The following ENPP1 variants were observed in gnomAD, a reference collection of about 807,000 sequenced individuals.
ENPP1 encodes the protein ectonucleotide pyrophosphatase/phosphodiesterase 1, also known as ectonucleotide pyrophosphatase/phosphodiesterase family member 1.
Under a neutral mutation model 122.8 loss-of-function variants are expected in ENPP1, and 73 were observed. That is an observed-to-expected ratio of 0.59 (90% confidence interval 0.49 to 0.72). The LOEUF (loss-of-function observed/expected upper bound fraction) is 0.72. Ranked by LOEUF, ENPP1 falls within the 30% of genes least tolerant of loss-of-function variation. The probability of loss-of-function intolerance (pLI) is 0.00; values close to 1 mark genes in which losing one functional copy is unlikely to be tolerated. For synonymous variants in ENPP1, 367 were observed against 391.6 expected, an observed-to-expected ratio of 0.94 and a Z score of 0.74; for missense variants, 978 against 1,128.1, an observed-to-expected ratio of 0.87 and a Z score of 1.91.
chr6:131,856,976 C>G (rs1285145370), intron 6 of ENPP1, among the ~76,000 whole-genome samples: 1 of 151,980 alleles, frequency 6.6e-6, no homozygotes. Context: ...GATGCGGGCT[C>G]TTTTTTGGTT....
intron 1 of ENPP1, among the ~76,000 whole-genome samples, chr6:131,847,491 C>CA (rs1781823939): frequency 6.6e-6 from 1 of 152,050 alleles, no homozygotes; most frequent in Non-Finnish European, 1.5e-5. Flanking sequence ...AGAACAGCAC[C>CA]AAAAAGTTTA....
At chr6:131,860,084 C>G (rs1198883197) in intron 7 of ENPP1, among the ~76,000 whole-genome samples, 1 of 152,158 alleles carries the variant, frequency 6.6e-6, no homozygotes, top group Non-Finnish European at 1.5e-5. Flanking sequence ...CTCAGCCTCC[C>G]AAAGTGCTGA....
chr6:131,827,598 A>G, intron 1 of ENPP1: 1 of 594,628 alleles, frequency 1.7e-6, no homozygotes. Flanking sequence ...TATGGAACAT[A>G]AGTTATGATG....
chr6:131,886,704 G>A lies in ENPP1; in HGVS notation c.2587G>A (p.Asp863Asn), dbSNP rs1437432148. The part of the protein sequence containing the change: ...TLAFILPHRT[D>N]NSESCVHGKH... ...AGCTTTCATTTTGCCTCACAGGACTGATAACAGCGAGAGCTGTGTGGTAAG... is the reference window on the plus strand; with the variant it reads ...AGCTTTCATTTTGCCTCACAGGACTAATAACAGCGAGAGCTGTGTGGTAAG... The change falls in exon 24 of 25, where the codon GAT becomes AAT. Residue 863 changes from aspartate (D) to asparagine (N), a missense_variant. This residue lies in a region of ENPP1 where 644 missense variants were observed against 781.5 expected (regional missense o/e 0.82). Transcript: ENST00000647893. The A allele has an allele frequency of 6.2e-6, 10 of 1,613,644 alleles. No individual in the cohort carries two copies. The highest frequency in any genetic ancestry group is 8.5e-6 in the Non-Finnish European group (10 of 1,179,920).
At chr6:131,819,481 G>T (rs1355843850) in intron 1 of ENPP1, among the ~76,000 whole-genome samples, 2 of 152,098 alleles carry the variant, frequency 1.3e-5, no homozygotes, top group Admixed American at 6.6e-5. Context: ...TTCAGATTCA[G>T]TTTTTTTGTG....
intron 13 of ENPP1, among the ~76,000 whole-genome samples, chr6:131,870,853 C>T (rs1363636872): frequency 6.6e-6 from 1 of 152,034 alleles, no homozygotes; most frequent in African/African-American, 2.4e-5. Context: ...CCGAGGCGGG[C>T]GGATCATAAG....
In ENPP1 at chr6:131,892,306, A is replaced by T. The variant is rs886061074; in HGVS notation, c.*1795A>T. 6.6e-6 allele frequency: 1 copy of T among 152,242 alleles called. No homozygotes were observed. Among genetic ancestry groups the T allele is most frequent in the Non-Finnish European group, 1.5e-5 (1 of 68,066 alleles). The allele number at this position is 152,242 out of a possible 1,614,324, so 9.4% of individuals were successfully genotyped here. A position where few individuals can be genotyped will look rare whatever the true frequency, so the allele number is the denominator to read the frequency against. ...TCTCAGATACCACCACAGCAGGGGA[A>T]TTGGGAGCACTGCTTCATTATTACC... is the stretch of plus-strand genomic sequence containing the variant. On this transcript the variant is annotated 3_prime_UTR_variant, in exon 25 of 25. Coordinates refer to ENST00000647893, the MANE Select transcript of ENPP1 (RefSeq NM_006208.3).
At chr6:131,823,241 CT>C (rs1562510560) in intron 1 of ENPP1, among the ~76,000 whole-genome samples, 2 of 152,202 alleles carry the variant, frequency 1.3e-5, no homozygotes, top group African/African-American at 4.8e-5. Flanking sequence ...GACTTATCTC[CT>C]TTAATGGGTA....
chr6:131,892,894 T>C lies in ENPP1; in HGVS notation c.*2383T>C, dbSNP rs1226535704. ...CCTTTGGCAGGAGAGAGCAGGACTCTCTTAGGGCTTTTTTTTCCCCTGCAT... is the reference window on the plus strand; with the variant it reads ...CCTTTGGCAGGAGAGAGCAGGACTCCCTTAGGGCTTTTTTTTCCCCTGCAT... On this transcript the variant is annotated 3_prime_UTR_variant, in exon 25 of 25. Transcript: ENST00000647893. 6.6e-6 allele frequency: 1 copy of C among 152,124 alleles called. No homozygotes were observed. The highest frequency in any genetic ancestry group is 1.5e-5 in the Non-Finnish European group (1 of 68,030). The allele number at this position is 152,124 out of a possible 1,614,324, so 9.4% of individuals were successfully genotyped here.
chr6:131,814,168 G>C (rs758442383), intron 1 of ENPP1, among the ~76,000 whole-genome samples: 5 of 152,112 alleles, frequency 3.3e-5, no homozygotes, highest in Non-Finnish European at 7.4e-5. Context: ...GATTTCTGGC[G>C]GAGCATAGAG....
intron 6 of ENPP1, among the ~76,000 whole-genome samples, chr6:131,856,629 C>T (rs1227227492): frequency 2.1e-5 from 3 of 143,488 alleles, no homozygotes; most frequent in Non-Finnish European, 4.4e-5. Context: ...TTAGGTCTAA[C>T]GTTTAAATCT....
intron 1 of ENPP1, among the ~76,000 whole-genome samples, chr6:131,841,953 C>T (rs1180203729): frequency 1.3e-5 from 2 of 152,100 alleles, no homozygotes; most frequent in African/African-American, 2.4e-5. Flanking sequence ...CATATTTCAG[C>T]GCCTGAACAC....
chr6:131,852,357 G>A, intron 5 of ENPP1, 122 bp downstream of exon 5: 1 of 685,506 alleles, frequency 1.5e-6, no homozygotes, highest in African/African-American at 1.8e-5. Context: ...TACAGGTTGA[G>A]TATCCTTTAT....
chr6:131,886,563 AAAAG>A lies in ENPP1; in HGVS notation c.2449_2452del (p.Arg817GlufsTer9). ...AATGAATATTGGCATGTTTTACAGA[AAAAG>A]AAGAGTCATCCGTAACCAAGAAATT... On this transcript the variant is annotated frameshift_variant and splice_region_variant, in exon 24 of 25. Coordinates refer to ENST00000647893, the MANE Select transcript of ENPP1 (RefSeq NM_006208.3). LOFTEE classifies it high-confidence loss of function. The A allele has an allele frequency of 6.2e-7, 1 of 1,609,868 alleles. No individual in the cohort carries two copies. The highest frequency in any genetic ancestry group is 2.2e-5 in the East Asian group (1 of 44,832).
intron 5 of ENPP1, among the ~76,000 whole-genome samples, chr6:131,852,787 T>C (rs1173866208): frequency 6.6e-6 from 1 of 152,136 alleles, no homozygotes; most frequent in Non-Finnish European, 1.5e-5. Flanking sequence ...TTGTAGAAAA[T>C]TTAGCTTCTT....
intron 9 of ENPP1, 131 bp downstream of exon 9, chr6:131,861,835 C>CT (rs1477398119): frequency 1.5e-6 from 1 of 662,956 alleles, no homozygotes; most frequent in African/African-American, 1.8e-5. Context: ...CTGAAGAACT[C>CT]TTTCTCAAAG....
In ENPP1 at chr6:131,864,526, G is replaced by A. The variant is rs764735802; in HGVS notation, c.1046G>A (p.Arg349Lys). 2 of 1,609,590 alleles carry A rather than the reference G, an allele frequency of 1.2e-6. No homozygotes were observed. Among genetic ancestry groups the A allele is most frequent in the African/African-American group, 2.7e-5 (2 of 74,916 alleles). ...MYNGSVPFEE[R>K]ILAVLQWLQL... The stretch of plus-strand genomic sequence containing the variant: ...TTTAGTTCAGTACCATTTGAAGAAA[G>A]GATTTTAGCTGTTCTTCAGTGGCTA... The change falls in exon 10 of 25, where the codon AGG (arginine) becomes AAG (lysine). Residue 349 changes from arginine (R) to lysine (K), a missense_variant. Physicochemically the swap from Arg to Lys is conservative, Grantham distance 26 (BLOSUM62 2). Transcript: ENST00000647893.
intron 1 of ENPP1, among the ~76,000 whole-genome samples, chr6:131,837,836 A>G (rs901157327): frequency 6.6e-6 from 1 of 152,196 alleles, no homozygotes; most frequent in African/African-American, 2.4e-5. Context: ...ATTAATATTT[A>G]ATCTTTAGTG....
chr6:131,881,699 T>C (rs1247866968), intron 20 of ENPP1, among the ~76,000 whole-genome samples: 1 of 152,006 alleles, frequency 6.6e-6, no homozygotes, highest in Non-Finnish European at 1.5e-5. Context: ...CTGGCTAACA[T>C]GGTGAAACCC....
Sources: allele counts gnomAD v4.1 joint callset (sites outside exome capture counted in the v4.1 genomes callset), GRCh38; gene constraint gnomAD v4.1.1; regional missense constraint gnomAD v4.1.1; transcripts MANE v1.5; gene names NCBI Gene and HGNC (gene_info 2026-07-23, HGNC 2026-07-21).